ADAMTSL1: variants seen among roughly 807,000 people sequenced by gnomAD.
ADAMTSL1 encodes the protein ADAMTS-like protein 1.
In ADAMTSL1, 126 loss-of-function variants were observed where a neutral mutation model predicts 201.8. The ratio of observed to expected loss-of-function variants is 0.62; its 90% confidence interval spans 0.54 to 0.72. The LOEUF (loss-of-function observed/expected upper bound fraction) is 0.72, where lower values mean the gene tolerates loss of function less well. Ranked by LOEUF, ADAMTSL1 falls within the 30% of genes least tolerant of loss-of-function variation. The pLI is 0.00. For synonymous variants in ADAMTSL1, 1,121 were observed against 903.4 expected (o/e 1.24, Z -4.32); for missense variants, 2,679 against 2,277.8 (o/e 1.18, Z -3.59).
chr9:18,179,815 A>G (rs978790903), intron 2 of ADAMTSL1, among the ~76,000 whole-genome samples: 1 of 152,118 alleles, frequency 6.6e-6, no homozygotes, highest in Non-Finnish European at 1.5e-5. Flanking sequence ...CTTTACAGAC[A>G]AGCAAATGCT....
chr9:18,900,947 G>GT (rs1426208838), intron 26 of ADAMTSL1, among the ~76,000 whole-genome samples: 1 of 152,064 alleles, frequency 6.6e-6, no homozygotes, highest in Admixed American at 6.5e-5. Context: ...CAAAGACTTG[G>GT]TAATGTAAAA....
intron 13 of ADAMTSL1, among the ~76,000 whole-genome samples, chr9:18,705,215 T>C (rs1017438028): frequency 6.6e-6 from 1 of 152,206 alleles, no homozygotes; most frequent in Non-Finnish European, 1.5e-5. Flanking sequence ...AGTTCTTTCA[T>C]TGTCTGCCAA....
At chr9:18,569,539 C>G (rs1822164872) in intron 3 of ADAMTSL1, among the ~76,000 whole-genome samples, 1 of 152,074 alleles carries the variant, frequency 6.6e-6, no homozygotes, top group African/African-American at 2.4e-5. Context: ...GAAAAAAAGT[C>G]TTAGATTGCT....
chr9:18,425,496 G>A (rs868369993), intron 2 of ADAMTSL1, among the ~76,000 whole-genome samples: 1 of 152,112 alleles, frequency 6.6e-6, no homozygotes, highest in South Asian at 2.1e-4. Flanking sequence ...CACTTCAAAT[G>A]TCCGAAACTC....
chr9:18,314,314 C>T (rs966099693), intron 2 of ADAMTSL1, among the ~76,000 whole-genome samples: 7 of 152,152 alleles, frequency 4.6e-5, no homozygotes, highest in Middle Eastern at 3.4e-3. Context: ...CTATTGTGTC[C>T]GGAATTGGTG....
chr9:18,727,846 G>A (rs559034010), intron 15 of ADAMTSL1, among the ~76,000 whole-genome samples: 9 of 152,162 alleles, frequency 5.9e-5, no homozygotes, highest in Non-Finnish European at 1.0e-4. Flanking sequence ...TTGGGAGGCC[G>A]AGGTGGGTGG....
At chr9:18,642,606 G>A (rs1051597854) in intron 7 of ADAMTSL1, among the ~76,000 whole-genome samples, 2 of 151,810 alleles carry the variant, frequency 1.3e-5, no homozygotes, top group Non-Finnish European at 2.9e-5. Flanking sequence ...CCCCCTGGTA[G>A]CCAATATTCT....
intron 2 of ADAMTSL1, among the ~76,000 whole-genome samples, chr9:18,309,281 C>G (rs1228147441): frequency 6.6e-6 from 1 of 152,104 alleles, no homozygotes; most frequent in Non-Finnish European, 1.5e-5. Context: ...TGGCACAAGA[C>G]AAGGATGCCC....
At chr9:18,692,486 G>A (rs1831293542) in intron 13 of ADAMTSL1, among the ~76,000 whole-genome samples, 6 of 152,136 alleles carry the variant, frequency 3.9e-5, no homozygotes, top group Admixed American at 3.9e-4. Context: ...GCTTAGCAGA[G>A]CCCTAGAGAG....
At chr9:18,472,180 G>T (rs1821241509), upstream of ADAMTSL1, among the ~76,000 whole-genome samples, 1 of 152,120 alleles carries the variant, frequency 6.6e-6, no homozygotes, top group African/African-American at 2.4e-5. Context: ...AGAAAGCTCT[G>T]GTGTGTAACA....
intron 1 of ADAMTSL1, among the ~76,000 whole-genome samples, chr9:18,142,475 A>G (rs922016521): frequency 1.3e-5 from 2 of 152,112 alleles, no homozygotes; most frequent in Non-Finnish European, 2.9e-5. Context: ...CCCTCCTTTG[A>G]TCTCCATGGA....
chr9:18,548,722 T>G (rs796065787), intron 3 of ADAMTSL1, among the ~76,000 whole-genome samples: 14 of 151,892 alleles, frequency 9.2e-5, no homozygotes, highest in African/African-American at 3.1e-4. Context: ...GACTTTATGT[T>G]GAAAAGAAAC....
intron 3 of ADAMTSL1, among the ~76,000 whole-genome samples, chr9:18,533,762 A>G (rs767070094): frequency 6.6e-6 from 1 of 152,258 alleles, no homozygotes; most frequent in South Asian, 2.1e-4. Flanking sequence ...TCTGTAGTAT[A>G]GTAAGAGGTA....
chr9:18,521,447 C>G (rs7872574), intron 2 of ADAMTSL1, among the ~76,000 whole-genome samples: 86,891 of 150,844 alleles, frequency 0.58, 25,277 homozygotes, highest in East Asian at 0.8. Flanking sequence ...TAGATACCCA[C>G]AAAAATTAAA....
chr9:18,077,415 C>T (rs1823282396), intron 1 of ADAMTSL1, among the ~76,000 whole-genome samples: 1 of 152,042 alleles, frequency 6.6e-6, no homozygotes, highest in Non-Finnish European at 1.5e-5. Flanking sequence ...CAGCTAGAAA[C>T]TAAGGTGGAA....
At chr9:18,783,764 A>G (rs1438255845) in intron 19 of ADAMTSL1, among the ~76,000 whole-genome samples, 3 of 152,214 alleles carry the variant, frequency 2.0e-5, no homozygotes, top group Non-Finnish European at 2.9e-5. Flanking sequence ...TTACATTTTT[A>G]AAAGGTTATT....
chr9:17,906,757 G>T (rs1563887028), exon 1 of ADAMTSL1: 1 of 152,858 alleles, frequency 6.5e-6, no homozygotes, highest in East Asian at 1.9e-4. Context: ...CGGAGCCACC[G>T]CAATCAGCGC....
chr9:18,195,908 C>CT (rs1360164740), intron 2 of ADAMTSL1, among the ~76,000 whole-genome samples: 1 of 151,954 alleles, frequency 6.6e-6, no homozygotes, highest in Non-Finnish European at 1.5e-5. Flanking sequence ...ACATTTTTCT[C>CT]TTTTTTTGGA....
intron 1 of ADAMTSL1, among the ~76,000 whole-genome samples, chr9:18,131,923 C>G (rs528795030): frequency 8.1e-6 from 1 of 124,194 alleles, no homozygotes; most frequent in African/African-American, 2.6e-5. Context: ...TCACTTCCTT[C>G]ATAGTTCAGG....
Sources: allele counts gnomAD v4.1 joint callset (sites outside exome capture counted in the v4.1 genomes callset), GRCh38; gene constraint gnomAD v4.1.1; transcripts MANE v1.5; gene names NCBI Gene and HGNC (gene_info 2026-07-23, HGNC 2026-07-21).